MYO10: variants seen among roughly 807,000 people sequenced by gnomAD.
The protein encoded by MYO10 is unconventional myosin-X.
Under a neutral mutation model 257.3 loss-of-function variants are expected in MYO10, and 133 were observed. The observed-to-expected ratio is 0.52, with a 90% CI of 0.45 to 0.60. The LOEUF (loss-of-function observed/expected upper bound fraction) is 0.60, where lower values mean the gene tolerates loss of function less well. MYO10 is among the 20% of genes least tolerant of loss of function. The probability of loss-of-function intolerance (pLI) is 0.00; values close to 1 mark genes in which losing one functional copy is unlikely to be tolerated. For missense variants in MYO10, 2,399 were observed against 2,635.7 expected (o/e 0.91, Z 1.97); for synonymous variants, 1,104 against 1,028.6 (o/e 1.07, Z -1.40).
At chr5:16,885,989 C>A (rs1056646825) in intron 1 of MYO10, among the ~76,000 whole-genome samples, 10 of 152,180 alleles carry the variant, frequency 6.6e-5, no homozygotes, top group African/African-American at 2.4e-4. Flanking sequence ...CAGAGTAGGG[C>A]ACCCACGACA....
At chr5:16,691,828 G>A in intron 27 of MYO10, among the ~76,000 whole-genome samples, 1 of 152,036 alleles carries the variant, frequency 6.6e-6, no homozygotes, top group East Asian at 1.9e-4. Context: ...AAGAAAACCT[G>A]AACTCGATCA....
chr5:16,746,115 G>A (rs766869454), intron 19 of MYO10, among the ~76,000 whole-genome samples: 1 of 152,172 alleles, frequency 6.6e-6, no homozygotes, highest in Non-Finnish European at 1.5e-5. Flanking sequence ...TTGATGATAT[G>A]CTAAACAAGG....
At chr5:16,772,506 A>G (rs1741085193) in intron 9 of MYO10, among the ~76,000 whole-genome samples, 1 of 152,250 alleles carries the variant, frequency 6.6e-6, no homozygotes, top group Admixed American at 6.5e-5. Flanking sequence ...CTTTTTGTAA[A>G]AAAGCAAAAA....
chr5:16,810,049 G>A (rs1420401459), intron 3 of MYO10, among the ~76,000 whole-genome samples: 1 of 152,094 alleles, frequency 6.6e-6, no homozygotes, highest in Non-Finnish European at 1.5e-5. Flanking sequence ...AAACTGCCAC[G>A]CCTCGGAACC....
Position 16,885,414 on chromosome 5 carries a change from G to A in MYO10, c.22-7707C>T, listed in dbSNP as rs144076303. Among the ~76,000 whole-genome samples the A allele has an allele frequency of 1.8e-4, 28 of 152,296 alleles. No homozygotes were observed. In the East Asian group the frequency reaches 4.8e-3, roughly 26 times the overall value. ...CGGCCGGGCACAGTGGCTCATGCCTGTAATCCCTGCACTTTGGGAGGCCAA... is the reference window on the plus strand; with the variant it reads ...CGGCCGGGCACAGTGGCTCATGCCTATAATCCCTGCACTTTGGGAGGCCAA... On this transcript the variant is annotated intron_variant, in intron 1 of 40. Coordinates refer to ENST00000513610, the MANE Select transcript of MYO10 (RefSeq NM_012334.3).
chr5:16,919,377 C>CA (rs1745917329), intron 1 of MYO10, among the ~76,000 whole-genome samples: 1 of 152,028 alleles, frequency 6.6e-6, no homozygotes, highest in Admixed American at 6.6e-5. Context: ...GACTCCATCT[C>CA]AAAAACAAAA....
intron 27 of MYO10, among the ~76,000 whole-genome samples, chr5:16,690,569 C>T (rs991887953): frequency 1.3e-5 from 2 of 152,142 alleles, no homozygotes; most frequent in Admixed American, 6.5e-5. Context: ...AGGACCCAGA[C>T]AGGCCAGGGG....
At position 16,758,101 on chromosome 5, in the gene MYO10, C is replaced by T. The variant is rs1740587718; in HGVS notation, c.1848+17G>A. The stretch of plus-strand genomic sequence containing the variant: ...ACAGTAACGACGGATTCCTCTAAGC[C>T]AGCAGTGAAAACGAACCTTGAACTG... On this transcript the variant is annotated intron_variant, in intron 18 of 40. Coordinates refer to ENST00000513610, the MANE Select transcript of MYO10 (RefSeq NM_012334.3). The T allele has an allele frequency of 1.3e-6, 2 of 1,553,580 alleles. No homozygotes were observed. Among genetic ancestry groups the T allele is most frequent in the Admixed American group, 1.7e-5 (1 of 59,902 alleles).
At chr5:16,843,093 G>A (rs978175829) in intron 2 of MYO10, among the ~76,000 whole-genome samples, 1 of 151,766 alleles carries the variant, frequency 6.6e-6, no homozygotes, top group Non-Finnish European at 1.5e-5. Context: ...CCTTGTACTC[G>A]GCCCCCGACC....
Position 16,819,302 on chromosome 5 carries a change from C to T in MYO10, c.121-1135G>A, listed in dbSNP as rs922878809. On this transcript the variant is annotated intron_variant, in intron 2 of 40. Coordinates refer to ENST00000513610, the MANE Select transcript of MYO10 (RefSeq NM_012334.3). ...CATGTACATAAGGTGACTCTGGTACCGTCAGATTGCTGAATTTGCATGGAT... is the reference window on the plus strand; with the variant it reads ...CATGTACATAAGGTGACTCTGGTACTGTCAGATTGCTGAATTTGCATGGAT... 5.9e-5 allele frequency among the ~76,000 whole-genome samples: 9 copies of T among 152,208 alleles called. No individual in the cohort carries two copies. The South Asian group carries it at 1.7e-3, about 28-fold the overall frequency.
chr5:16,925,683 G>A (rs1295526836), intron 1 of MYO10, among the ~76,000 whole-genome samples: 3 of 152,084 alleles, frequency 2.0e-5, no homozygotes, highest in African/African-American at 7.2e-5. Flanking sequence ...AAGTGCTGAG[G>A]TAACAGGCAT....
intron 18 of MYO10, 33 bp from the exon 19 acceptor site, chr5:16,754,941 T>G: frequency 7.2e-7 from 1 of 1,395,912 alleles, no homozygotes; most frequent in Non-Finnish European, 9.9e-7. Context: ...ATTTAGTCTC[T>G]TATTATGTCA....
At chr5:16,689,474 C>A (rs1240699445) in intron 28 of MYO10, among the ~76,000 whole-genome samples, 1 of 151,942 alleles carries the variant, frequency 6.6e-6, no homozygotes, top group South Asian at 2.1e-4. Context: ...ACAAATGATT[C>A]ACTTTCAAAG....
At chr5:16,754,963 T>A in intron 18 of MYO10, 55 bp from the exon 19 acceptor site, 4 of 1,173,454 alleles carry the variant, frequency 3.4e-6, no homozygotes, top group Non-Finnish European at 4.9e-6. Context: ...TCTTTAAATT[T>A]CTCAGTACTC....
At chr5:16,724,493 C>T (rs1347505275) in intron 19 of MYO10, among the ~76,000 whole-genome samples, 1 of 152,082 alleles carries the variant, frequency 6.6e-6, no homozygotes, top group African/African-American at 2.4e-5. Context: ...CTAAAGGAAG[C>T]CAGCATAAGG....
chr5:16,666,584 G>GC lies in MYO10; in HGVS notation c.*107dup, dbSNP rs1736178783. ...CCCTCAGACCAGAAGCTTCCAGAAA[G>GC]CCTGGGCAGCTCTGTGTTTGTTTTG... On this transcript the variant is annotated 3_prime_UTR_variant, in exon 41 of 41. Coordinates refer to ENST00000513610, the MANE Select transcript of MYO10 (RefSeq NM_012334.3). 2.3e-6 allele frequency: 2 copies of GC among 886,542 alleles called. No homozygotes were observed. The highest frequency in any genetic ancestry group is 3.4e-5 in the African/African-American group (2 of 59,388). 54.9% of individuals were successfully genotyped at this position (886,542 alleles called of 1,614,324 possible).
Position 16,681,456 on chromosome 5 carries a change from TC to T in MYO10, c.4236del (p.Lys1413AsnfsTer2). On this transcript the variant is annotated frameshift_variant, in exon 32 of 41. Coordinates refer to ENST00000513610, the MANE Select transcript of MYO10 (RefSeq NM_012334.3). LOFTEE classifies it high-confidence loss of function. ...EVKNSPKMSSLKLKKRWFVLT... is the reference protein window; with the variant it reads ...EVKNSPKMSSXKLKKRWFVLT... ...AGTACAAACCACCGTTTCTTCAGTT[TC>T]AGTGAAGACATCTTTGGACTGTTCT... The T allele has an allele frequency of 6.2e-7, 1 of 1,613,884 alleles. No individual in the cohort carries two copies. The highest frequency in any genetic ancestry group is 8.5e-7 in the Non-Finnish European group (1 of 1,179,846).
chr5:16,704,774 A>G (rs1738252911), intron 21 of MYO10, 89 bp from the exon 22 acceptor site: 1 of 1,024,212 alleles, frequency 9.8e-7, no homozygotes, highest in Admixed American at 2.1e-5. Flanking sequence ...TCTGGAGTTA[A>G]GGCTTTTTTC....
At chr5:16,788,729 C>T (rs1741665368) in intron 4 of MYO10, among the ~76,000 whole-genome samples, 1 of 151,856 alleles carries the variant, frequency 6.6e-6, no homozygotes, top group South Asian at 2.1e-4. Context: ...GACTGAGAAG[C>T]TGAGGAGTGG....
Sources: gnomAD v4.1 joint callset for allele counts (sites outside exome capture counted in the v4.1 genomes callset) on GRCh38, gnomAD v4.1.1 for gene constraint, MANE v1.5 for transcripts, NCBI Gene and HGNC (gene_info 2026-07-23, HGNC 2026-07-21) for gene names.